CAMTA1: variants seen among roughly 807,000 people sequenced by gnomAD.
CAMTA1 encodes the protein calmodulin-binding transcription activator 1.
In CAMTA1, 27 loss-of-function variants were observed where a neutral mutation model predicts 170.9. The ratio of observed to expected loss-of-function variants is 0.16; its 90% CI spans 0.12 to 0.22. The LOEUF (loss-of-function observed/expected upper bound fraction) is 0.22, where lower values mean the gene tolerates loss of function less well. Ranked by LOEUF, CAMTA1 falls within the 10% of genes least tolerant of loss-of-function variation. The probability of loss-of-function intolerance (pLI) is 1.00; values close to 1 mark genes in which losing one functional copy is unlikely to be tolerated. For synonymous variants in CAMTA1, 833 were observed against 891.5 expected, an observed-to-expected ratio of 0.93 and a Z score of 1.17; for missense variants, 1,619 against 2,217.2, an observed-to-expected ratio of 0.73 and a Z score of 5.42.
At position 7,540,245 on chromosome 1, in the gene CAMTA1, A is replaced by T. The variant is rs1575891204; in HGVS notation, c.510+72344A>T. ...CATGAATGAATGGAGAAATGGATGG[A>T]TGGATGGGTGGATGGAAGACACGTA... On this transcript the variant is annotated intron_variant, in intron 6 of 22. Transcript: ENST00000303635. Among the ~76,000 whole-genome samples, 4 of 152,232 alleles carry T rather than the reference A, an allele frequency of 2.6e-5. No individual in the cohort carries two copies. The East Asian group carries it at 7.7e-4, about 29-fold the overall frequency.
chr1:7,231,423 A>G (rs1662808015), intron 4 of CAMTA1, among the ~76,000 whole-genome samples: 1 of 151,686 alleles, frequency 6.6e-6, no homozygotes, highest in African/African-American at 2.4e-5. Context: ...GCTGGAGTGC[A>G]GTGGCATGAT....
intron 3 of CAMTA1, among the ~76,000 whole-genome samples, chr1:6,939,882 C>T (rs559647912): frequency 6.6e-6 from 1 of 152,370 alleles, no homozygotes; most frequent in Admixed American, 6.5e-5. Context: ...CACCCCAGCA[C>T]CCCAAGCAAC....
At chr1:6,896,932 T>A (rs185565593) in intron 3 of CAMTA1, among the ~76,000 whole-genome samples, 132 of 152,262 alleles carry the variant, frequency 8.7e-4, no homozygotes, top group Non-Finnish European at 1.5e-3. Flanking sequence ...AGTGATTGGG[T>A]TGTGCAAGGA....
rs1457565797 is a variant in CAMTA1, at chr1:7,548,918, C to T, written c.510+81017C>T. 3.0e-5 allele frequency among the ~76,000 whole-genome samples: 4 copies of T among 134,344 alleles called. 2 individuals are homozygous for T. Among genetic ancestry groups the T allele is most frequent in the Non-Finnish European group, 6.6e-5 (4 of 60,910 alleles). 88.1% of individuals were successfully genotyped at this position (134,344 alleles called of 152,430 possible). A position where few individuals can be genotyped will look rare whatever the true frequency, so the allele number is the denominator to read the frequency against. On this transcript the variant is annotated intron_variant, in intron 6 of 22. Transcript: ENST00000303635. ...GTGGAAGTGCCCATGCAGGGTGCCC[C>T]TTAGGAGTGGAAGTGCTGGTGTAGG... is the stretch of plus-strand genomic sequence containing the variant.
chr1:7,615,032 T>A (rs1172881209), intron 6 of CAMTA1, among the ~76,000 whole-genome samples: 1 of 152,246 alleles, frequency 6.6e-6, no homozygotes, highest in Non-Finnish European at 1.5e-5. Flanking sequence ...CTTTTTCTCT[T>A]CCCTTCCTTC....
intron 3 of CAMTA1, among the ~76,000 whole-genome samples, chr1:6,880,958 C>T (rs532607361): frequency 6.6e-6 from 1 of 152,148 alleles, no homozygotes; most frequent in South Asian, 2.1e-4. Flanking sequence ...AAATAAATAA[C>T]AGTAATTGCG....
chr1:7,686,387 C>T (rs924183862), intron 11 of CAMTA1, among the ~76,000 whole-genome samples: 6 of 152,006 alleles, frequency 3.9e-5, no homozygotes, highest in Non-Finnish European at 7.4e-5. Context: ...CAGGCAGGGG[C>T]CAGCCACAGT....
chr1:7,736,556 A>T lies in CAMTA1; in HGVS notation c.3263+16A>T, dbSNP rs752258767. On this transcript the variant is annotated intron_variant, in intron 13 of 22. Transcript: ENST00000303635. The surrounding 1 kb of genome is among the most constrained non-coding windows in gnomAD (Gnocchi z 4.5). ...TCAAATGGCGGTAAGGCTGTGGTGC[A>T]GCTGGCTGGGGGTCAGCCTCGCACA... 8.7e-6 allele frequency: 14 copies of T among 1,612,420 alleles called. No homozygotes were observed. In the South Asian group the frequency reaches 1.4e-4, roughly 16 times the overall value.
chr1:7,091,414 G>A (rs762589698), intron 4 of CAMTA1, 43 bp downstream of exon 4: 3 of 1,452,394 alleles, frequency 2.1e-6, no homozygotes, highest in East Asian at 2.3e-5. Flanking sequence ...TGTACCATAA[G>A]TGGATTGATT....
chr1:7,499,418 G>T (rs1243938841), intron 6 of CAMTA1, among the ~76,000 whole-genome samples: 3 of 113,784 alleles, frequency 2.6e-5, no homozygotes, highest in Admixed American at 1.7e-4. Context: ...TGTGTAGAGA[G>T]GATTGTGTGA....
intron 1 of CAMTA1, among the ~76,000 whole-genome samples, chr1:6,808,366 A>T (rs1413686366): frequency 6.6e-6 from 1 of 152,054 alleles, no homozygotes; most frequent in Non-Finnish European, 1.5e-5. Flanking sequence ...GATTGTTCCA[A>T]GGTCCCACAG....
chr1:6,997,948 C>T (rs560925092), intron 3 of CAMTA1, among the ~76,000 whole-genome samples: 8 of 151,884 alleles, frequency 5.3e-5, no homozygotes, highest in Middle Eastern at 3.2e-3. Context: ...TGTGAGCCAC[C>T]GTGCCCAGCC....
chr1:7,508,515 G>A (rs1381647721), intron 6 of CAMTA1, among the ~76,000 whole-genome samples: 3 of 152,218 alleles, frequency 2.0e-5, no homozygotes, highest in African/African-American at 7.2e-5. Context: ...ATGCATCTGC[G>A]TGTTGACAGG....
At chr1:7,108,456 C>T (rs945785387) in intron 4 of CAMTA1, among the ~76,000 whole-genome samples, 8 of 152,160 alleles carry the variant, frequency 5.3e-5, no homozygotes, top group African/African-American at 1.9e-4. Flanking sequence ...GCACACAGCC[C>T]AGTTCTTCCT....
intron 3 of CAMTA1, among the ~76,000 whole-genome samples, chr1:6,987,676 C>G (rs1214942211): frequency 1.3e-5 from 2 of 152,198 alleles, no homozygotes; most frequent in Non-Finnish European, 2.9e-5. Flanking sequence ...AAACCCCTTA[C>G]TTTTTCTTTC....
intron 1 of CAMTA1, among the ~76,000 whole-genome samples, chr1:6,788,772 G>C (rs1640172122): frequency 6.6e-6 from 1 of 152,160 alleles, no homozygotes; most frequent in South Asian, 2.1e-4. Context: ...AAGTGGTAAA[G>C]ATTGGTTGGA....
chr1:7,416,166 G>T (rs1027471140), intron 5 of CAMTA1, among the ~76,000 whole-genome samples: 1 of 152,082 alleles, frequency 6.6e-6, no homozygotes, highest in African/African-American at 2.4e-5. Context: ...TGGGTAACCC[G>T]ACCTTTCTCT....
chr1:7,033,644 G>A (rs1285184333), intron 3 of CAMTA1, among the ~76,000 whole-genome samples: 1 of 138,908 alleles, frequency 7.2e-6, no homozygotes, highest in Non-Finnish European at 1.5e-5. Flanking sequence ...CCAGGCTGGA[G>A]TGCTGTGGCG....
At chr1:7,017,407 C>G (rs575845560) in intron 3 of CAMTA1, among the ~76,000 whole-genome samples, 1 of 152,332 alleles carries the variant, frequency 6.6e-6, no homozygotes, top group South Asian at 2.1e-4. Context: ...GACATAAACA[C>G]AAGGAGGATT....
Sources: allele counts gnomAD v4.1 joint callset (sites outside exome capture counted in the v4.1 genomes callset), GRCh38; gene constraint gnomAD v4.1.1; non-coding constraint Gnocchi (gnomAD v3.1); transcripts MANE v1.5; gene names NCBI Gene and HGNC (gene_info 2026-07-23, HGNC 2026-07-21).